The following IGSF9 variants were observed in gnomAD, a reference collection of about 807,000 sequenced individuals.
The protein encoded by IGSF9 is protein turtle homolog A.
A neutral mutation model predicts 121.7 loss-of-function variants in IGSF9; 87 were observed. The observed-to-expected ratio is 0.71, with a 90% CI of 0.60 to 0.85. The LOEUF is 0.85. Ranked by LOEUF, IGSF9 falls within the 40% of genes least tolerant of loss-of-function variation. IGSF9 has a pLI of 0.00. For missense variants in IGSF9, 1,462 were observed against 1,565.3 expected, an observed-to-expected ratio of 0.93 and a Z score of 1.11; for synonymous variants, 640 against 648.4, an observed-to-expected ratio of 0.99 and a Z score of 0.20.
intron 9 of IGSF9, chr1:159,933,464 A>T (rs1651074629): frequency 6.6e-6 from 1 of 152,320 alleles, no homozygotes; most frequent in Non-Finnish European, 1.5e-5. Flanking sequence ...AAAGATCCCA[A>T]TTGCCTTGGA....
chr1:159,930,983 G>T, intron 13 of IGSF9, 116 bp from the exon 14 acceptor site: 1 of 1,432,234 alleles, frequency 7.0e-7, no homozygotes, highest in South Asian at 1.4e-5. Flanking sequence ...CAGGACCTTG[G>T]CCCTGAATGC....
intron 19 of IGSF9, 80 bp from the exon 20 acceptor site, chr1:159,927,967 CCGCAAA>C: frequency 6.5e-7 from 1 of 1,544,438 alleles, no homozygotes; most frequent in South Asian, 1.2e-5. Context: ...AATTCAGCGA[CCGCAAA>C]CTCACGTTAG....
rs1553225973 is a variant in IGSF9, at chr1:159,927,097, CAG to C, written c.*246_*247del. 0.055 allele frequency: 19,527 copies of C among 357,856 alleles called. 3 individuals are homozygous for C. The highest frequency in any genetic ancestry group is 0.082 in the Middle Eastern group (104 of 1,264). 22.2% of individuals were successfully genotyped at this position (357,856 alleles called of 1,614,324 possible). A position where few individuals can be genotyped will look rare whatever the true frequency, so the allele number is the denominator to read the frequency against. ...AACTTCACACACACACACACACACA[CAG>C]AGAGAGAGAGAGAGAGAGAGAGAGA... On this transcript the variant is annotated 3_prime_UTR_variant, in exon 21 of 21. Coordinates refer to ENST00000368094, the MANE Select transcript of IGSF9 (RefSeq NM_001135050.2).
intron 3 of IGSF9, among the ~76,000 whole-genome samples, chr1:159,939,490 C>T (rs1290342369): frequency 3.9e-5 from 6 of 152,122 alleles, no homozygotes; most frequent in Non-Finnish European, 5.9e-5. Context: ...CCTCCCAAAG[C>T]GCTGGGATTA....
rs1411442765 is a variant in IGSF9 at position 159,930,182 on chromosome 1, C to T, written c.2064+7G>A. ...AGGCCTCTCTCTGTATCGCCTTTCG[C>T]ACATACCTTGATGAGGCCTGGCACC... On this transcript the variant is annotated splice_region_variant and intron_variant, in intron 15 of 20. Coordinates refer to ENST00000368094, the MANE Select transcript of IGSF9 (RefSeq NM_001135050.2). The T allele has an allele frequency of 6.2e-7, 1 of 1,600,444 alleles. No individual in the cohort carries two copies. Among genetic ancestry groups the T allele is most frequent in the Non-Finnish European group, 8.5e-7 (1 of 1,171,974 alleles).
chr1:159,936,434 C>A lies in IGSF9; in HGVS notation c.638G>T (p.Gly213Val). ...CAGCTGGGTGGCGTGGGTGGCGCTG[C>A]CCTCAGTGCTGGAGGCTTGGCAGGT... ...VYTCQASSTE[G>V]SATHATQLLV... The change falls in exon 6 of 21, where the codon GGC (glycine) becomes GTC (valine). Residue 213 changes from glycine (G) to valine (V), a missense_variant. By Grantham distance (109) the Gly-to-Val change is moderately radical. Around this residue, in one of 3 missense-constraint regions of IGSF9, gnomAD observed 558 missense variants for 599.4 expected, o/e 0.93. Coordinates refer to ENST00000368094, the MANE Select transcript of IGSF9 (RefSeq NM_001135050.2). 1 of 1,614,076 alleles carries A rather than the reference C, an allele frequency of 6.2e-7. No homozygotes were observed. Among genetic ancestry groups the A allele is most frequent in the Non-Finnish European group, 8.5e-7 (1 of 1,180,002 alleles).
intron 19 of IGSF9, 48 bp from the exon 20 acceptor site, chr1:159,927,935 A>G: frequency 6.3e-7 from 1 of 1,590,334 alleles, no homozygotes. Flanking sequence ...GTGGAGGAAT[A>G]GAGGCTGTTC....
rs769374326 is a variant in IGSF9 at position 159,934,674 on chromosome 1, A to AC, written c.815+6dup. 5 of 1,614,158 alleles carry AC rather than the reference A, an allele frequency of 3.1e-6. No homozygotes were observed. The East Asian group carries it at 1.1e-4, about 36-fold the overall frequency. ...CACCTCCACCTTCCTAATGAGGGTG[A>AC]CCCCACCTAATGTGGAAGACATTGA... is the stretch of plus-strand genomic sequence containing the variant. On this transcript the variant is annotated splice_region_variant and intron_variant, in intron 7 of 20. Coordinates refer to ENST00000368094, the MANE Select transcript of IGSF9 (RefSeq NM_001135050.2).
chr1:159,939,964 C>G (rs991179774), intron 3 of IGSF9, among the ~76,000 whole-genome samples: 2 of 152,212 alleles, frequency 1.3e-5, no homozygotes, highest in African/African-American at 4.8e-5. Context: ...AGACTGCAAC[C>G]TCTTCTGTGT....
At chr1:159,930,130 G>A in intron 15 of IGSF9, 59 bp downstream of exon 15, 1 of 1,556,404 alleles carries the variant, frequency 6.4e-7, no homozygotes, top group Admixed American at 1.8e-5. Context: ...TTTGGGGAAT[G>A]GAGAAGGACG....
intron 8 of IGSF9, 36 bp downstream of exon 8, chr1:159,934,389 G>A (rs1651110353): frequency 6.4e-7 from 1 of 1,568,292 alleles, no homozygotes; most frequent in Admixed American, 1.9e-5. Context: ...CCAGGGGAAG[G>A]GAGCAGGCTG....
Position 159,934,550 on chromosome 1 carries a change from C to T in IGSF9, c.836G>A (p.Arg279Gln), listed in dbSNP as rs200029238. The change falls in exon 8 of 21, where the codon CGG becomes CAG. Residue 279 changes from arginine to glutamine, a missense_variant. Arg to Gln is a conservative substitution (Grantham distance 43, BLOSUM62 1). Around this residue, in one of 3 missense-constraint regions of IGSF9, gnomAD observed 558 missense variants for 599.4 expected, o/e 0.93. Coordinates refer to ENST00000368094, the MANE Select transcript of IGSF9 (RefSeq NM_001135050.2). Reference protein sequence around the residue: ...FHISRLQPRVRILVDGSLRLL... With the variant: ...FHISRLQPRVQILVDGSLRLL... ...CCGCAGGCTCCCGTCCACCAGGATC[C>T]GCACCCGGGGCTGCAGGCGGCTGCA... is the stretch of plus-strand genomic sequence containing the variant. 338 of 1,613,856 alleles carry T rather than the reference C, an allele frequency of 2.1e-4. 1 individual carries two copies. In the Admixed American group the frequency reaches 3.1e-3, roughly 15 times the overall value.
In IGSF9 at chr1:159,928,918, C is replaced by T. The variant is rs1650862988; in HGVS notation, c.2470G>A (p.Ala824Thr). The stretch of plus-strand genomic sequence containing the variant: ...TCCGGGTGGGGGCTGGGAGTTCCGG[C>T]AGGATCCCCCCAGAGCAGACTCTGG... ...LRQSLLWGDP[A>T]GTPSPHPDPP... Residue 824 changes from alanine (A) to threonine (T), a missense_variant, in exon 19 of 21, where the codon GCC becomes ACC. Physicochemically the swap from Ala to Thr is moderately conservative, Grantham distance 58. Coordinates refer to ENST00000368094, the MANE Select transcript of IGSF9 (RefSeq NM_001135050.2). The T allele has an allele frequency of 1.3e-6, 2 of 1,587,054 alleles. No individual in the cohort carries two copies. Among genetic ancestry groups the T allele is most frequent in the Non-Finnish European group, 1.7e-6 (2 of 1,167,966 alleles).
intron 3 of IGSF9, among the ~76,000 whole-genome samples, chr1:159,942,323 C>A (rs1651411402): frequency 6.6e-6 from 1 of 152,188 alleles, no homozygotes; most frequent in South Asian, 2.1e-4. Flanking sequence ...AAGCAGCAAC[C>A]CAGGCCAGCC....
At position 159,928,742 on chromosome 1, in the gene IGSF9, C is replaced by T; in HGVS notation, c.2646G>A (p.Arg882=). Residue 882 remains arginine, a synonymous_variant, in exon 19 of 21, where the codon CGG becomes CGA. Transcript: ENST00000368094. ...EPRTPAQRLA[R]SFDCSSSSPS... is the part of the protein sequence containing the mutation. ...GGCTGCTGCTGCTACAGTCAAAGGA[C>T]CGGGCCAGACGCTGGGCTGGAGTCC... 6.8e-7 allele frequency: 1 copy of T among 1,477,020 alleles called. No homozygotes were observed. The allele number at this position is 1,477,020 out of a possible 1,614,324, so 91.5% of individuals were successfully genotyped here. A position where few individuals can be genotyped will look rare whatever the true frequency, so the allele number is the denominator to read the frequency against.
At chr1:159,935,383 A>G (rs769708391) in intron 6 of IGSF9, among the ~76,000 whole-genome samples, 3 of 151,992 alleles carry the variant, frequency 2.0e-5, no homozygotes, top group Non-Finnish European at 2.9e-5. Flanking sequence ...AACCCTCCCT[A>G]CGTGGCCAGC....
At chr1:159,942,738 G>T (rs990090126) in intron 3 of IGSF9, among the ~76,000 whole-genome samples, 11 of 98,952 alleles carry the variant, frequency 1.1e-4, no homozygotes, top group Admixed American at 4.9e-4. Context: ...AGCTATAAGA[G>T]TGTGAGTGTG....
At chr1:159,929,573 T>C (rs904240180) in intron 17 of IGSF9, 65 bp downstream of exon 17, 31 of 1,526,404 alleles carry the variant, frequency 2.0e-5, no homozygotes, top group Non-Finnish European at 2.6e-5. Flanking sequence ...TTCCCCCAGG[T>C]AGGAGGGGCT....
At chr1:159,929,176 G>T in intron 18 of IGSF9, 158 bp from the exon 19 acceptor site, 1 of 1,296,912 alleles carries the variant, frequency 7.7e-7, no homozygotes, top group Non-Finnish European at 1.1e-6. Flanking sequence ...GAAGGCACAG[G>T]CCATACTGGA....
Sources: allele counts gnomAD v4.1 joint callset (sites outside exome capture counted in the v4.1 genomes callset), GRCh38; gene constraint gnomAD v4.1.1; regional missense constraint gnomAD v4.1.1; transcripts MANE v1.5; gene names NCBI Gene and HGNC (gene_info 2026-07-23, HGNC 2026-07-21).